ACACA: variants seen among roughly 807,000 people sequenced by gnomAD.
ACACA encodes acetyl-CoA carboxylase alpha, also known as acetyl-CoA carboxylase 1.
A neutral mutation model predicts 296.1 loss-of-function variants in ACACA; 103 were observed. That is an observed-to-expected ratio of 0.35 (90% CI 0.30 to 0.41). The LOEUF is 0.41. Ranked by LOEUF, ACACA falls within the 10% of genes least tolerant of loss-of-function variation. The pLI is 1.00. For synonymous variants in ACACA, 953 were observed against 1,038.6 expected, an observed-to-expected ratio of 0.92 and a Z score of 1.58; for missense variants, 1,554 against 2,989.7, an observed-to-expected ratio of 0.52 and a Z score of 11.20.
chr17:37,207,531 G>C (rs924550370), intron 31 of ACACA, 126 bp downstream of exon 31: 9 of 1,130,836 alleles, frequency 8.0e-6, no homozygotes, highest in Non-Finnish European at 1.2e-5. Flanking sequence ...ATACAGCAAG[G>C]GTTACATCTT....
At chr17:37,259,707 A>G (rs2081360399) in intron 11 of ACACA, among the ~76,000 whole-genome samples, 177 bp from the exon 12 acceptor site, 1 of 152,118 alleles carries the variant, frequency 6.6e-6, no homozygotes, top group Admixed American at 6.6e-5. Flanking sequence ...GAAAAACTCA[A>G]TGAAAAATCG....
At chr17:37,139,595 T>G (rs535281707) in intron 45 of ACACA, among the ~76,000 whole-genome samples, 2 of 152,260 alleles carry the variant, frequency 1.3e-5, no homozygotes, top group South Asian at 4.1e-4. Context: ...AATATAGCAG[T>G]CAAAAAGAAA....
Position 37,193,407 on chromosome 17 carries a change from G to C in ACACA, c.4167C>G (p.Phe1389Leu), listed in dbSNP as rs1460449524. The C allele has an allele frequency of 6.2e-7, 1 of 1,601,882 alleles. No homozygotes were observed. The highest frequency in any genetic ancestry group is 1.3e-5 in the African/African-American group (1 of 74,562). Residue 1389 changes from phenylalanine to leucine, a missense_variant, in exon 36 of 56, where the codon TTC (phenylalanine) becomes TTG (leucine). Transcript: ENST00000616317. ...YEVDRRFHRE[F>L]PKFFTFRARD... ...TTGCTCGGAATGTAAAAAATTTAGG[G>C]AATTCTCTCTGTATTAAAGAAGGGG... is the stretch of plus-strand genomic sequence containing the variant.
At chr17:37,157,767 C>T (rs768682488) in intron 42 of ACACA, among the ~76,000 whole-genome samples, 16 of 151,946 alleles carry the variant, frequency 1.1e-4, no homozygotes, top group Non-Finnish European at 2.2e-4. Context: ...AACTCCTGAC[C>T]TCAAGTTGAT....
At chr17:37,180,544 T>G (rs1330047855) in intron 40 of ACACA, among the ~76,000 whole-genome samples, 2 of 152,226 alleles carry the variant, frequency 1.3e-5, no homozygotes, top group African/African-American at 4.8e-5. Context: ...GGTTGCATTT[T>G]CTACTGGTGA....
intron 29 of ACACA, among the ~76,000 whole-genome samples, chr17:37,212,904 C>CA (rs201086587): frequency 0.038 from 4,417 of 117,166 alleles, 147 homozygotes; most frequent in African/African-American, 0.098. Flanking sequence ...CACTCTGTAC[C>CA]AAAAAAAAAA....
chr17:37,326,247 G>A (rs1486241640), intron 3 of ACACA, among the ~76,000 whole-genome samples: 8 of 151,258 alleles, frequency 5.3e-5, no homozygotes, highest in African/African-American at 1.5e-4. Context: ...TCAGGCATAG[G>A]CTGACAGGCA....
intron 45 of ACACA, among the ~76,000 whole-genome samples, chr17:37,135,843 G>A (rs1199698991): frequency 6.6e-6 from 1 of 152,022 alleles, no homozygotes; most frequent in Non-Finnish European, 1.5e-5. Flanking sequence ...CTCACCCTAG[G>A]GGGACCCACC....
intron 45 of ACACA, among the ~76,000 whole-genome samples, chr17:37,142,698 C>T (rs184627478): frequency 2.8e-4 from 42 of 152,244 alleles, no homozygotes; most frequent in Admixed American, 1.6e-3. Context: ...TCAACGAGTC[C>T]TTGGGGACTC....
chr17:37,377,835 C>T, intron 1 of ACACA: 1 of 1,523,326 alleles, frequency 6.6e-7, no homozygotes, highest in Non-Finnish European at 9.1e-7. Context: ...TGATTTTCCC[C>T]AAACCTTCCC....
intron 8 of ACACA, among the ~76,000 whole-genome samples, chr17:37,275,509 A>AG (rs1031302928): frequency 2.5e-4 from 38 of 150,904 alleles, no homozygotes; most frequent in African/African-American, 7.8e-4. Flanking sequence ...AAAAAAAAAA[A>AG]AAAAGAAAAA....
chr17:37,405,936 G>C (rs829163), intron 1 of ACACA, among the ~76,000 whole-genome samples: 29,626 of 139,274 alleles, frequency 0.21, 3,362 homozygotes, highest in East Asian at 0.55. Context: ...CAGGCATAAA[G>C]TGTAAGTGAA....
intron 39 of ACACA, 93 bp from the exon 40 acceptor site, chr17:37,181,449 T>G: frequency 1.4e-6 from 2 of 1,407,884 alleles, no homozygotes; most frequent in Non-Finnish European, 2.0e-6. Context: ...TATTATCTCT[T>G]TGAAAACATT....
chr17:37,225,679 G>T lies in ACACA; in HGVS notation c.3361-574C>A, dbSNP rs538564559. On this transcript the variant is annotated intron_variant, in intron 26 of 55. Coordinates refer to ENST00000616317, the MANE Select transcript of ACACA (RefSeq NM_198834.3). ...ACACGGTAGGATCTGAATACCCTCA[G>T]CAGGTCACTGAGAGGTTCAATAGCT... The T allele has an allele frequency of 2.3e-5, 4 of 172,944 alleles. No homozygotes were observed. The South Asian group carries it at 5.7e-4, about 24-fold the overall frequency. The allele number at this position is 172,944 out of a possible 1,614,324, so 10.7% of individuals were successfully genotyped here.
chr17:37,406,682 A>C lies in ACACA; in HGVS notation c.-383T>G. 1 of 377,186 alleles carries C rather than the reference A, an allele frequency of 2.7e-6. No homozygotes were observed. The highest frequency in any genetic ancestry group is 2.6e-5 in the South Asian group (1 of 38,338). The allele number at this position is 377,186 out of a possible 1,614,324, so 23.4% of individuals were successfully genotyped here. On this transcript the variant is annotated 5_prime_UTR_variant, in exon 1 of 56. Transcript: ENST00000616317. ...CACGGGCAAAGTGATTACTGGTCGG[A>C]TCAAAAGTCAGGCAAGCGGCTCAGC... is the stretch of plus-strand genomic sequence containing the variant.
rs977598309 is a variant in ACACA at position 37,113,513 on chromosome 17, T to C, written c.6275-248A>G. Among the ~76,000 whole-genome samples, 1 of 152,184 alleles carries C rather than the reference T, an allele frequency of 6.6e-6. No homozygotes were observed. The highest frequency in any genetic ancestry group is 1.5e-5 in the Non-Finnish European group (1 of 68,020). ...AGATACAGTGTGTAAGTCTTCCAGA[T>C]TGCCTTTCCATTTTATATCCTCTCT... On this transcript the variant is annotated intron_variant, in intron 50 of 55. Transcript: ENST00000616317. This position sits in a 1 kb window ranked among gnomAD's most constrained non-coding sequence, Gnocchi z 4.0.
intron 3 of ACACA, among the ~76,000 whole-genome samples, chr17:37,291,466 G>A (rs1197717329): frequency 2.0e-5 from 3 of 152,164 alleles, no homozygotes; most frequent in East Asian, 3.9e-4. Flanking sequence ...GTGAGCCACC[G>A]CACCTGGTCA....
intron 1 of ACACA, among the ~76,000 whole-genome samples, chr17:37,346,101 TAC>T (rs2048602428): frequency 6.6e-6 from 1 of 151,878 alleles, no homozygotes; most frequent in South Asian, 2.1e-4. Context: ...ACCCAGGAAA[TAC>T]AGTTTTATAG....
intron 41 of ACACA, among the ~76,000 whole-genome samples, chr17:37,167,270 CTTTTTTTT>C (rs11387933): frequency 9.5e-6 from 1 of 105,558 alleles, no homozygotes; most frequent in Admixed American, 1.1e-4. Flanking sequence ...ATGGTATTTT[CTTTTTTTT>C]TTTTTTTTTT....
Sources: allele counts gnomAD v4.1 joint callset (sites outside exome capture counted in the v4.1 genomes callset), GRCh38; gene constraint gnomAD v4.1.1; non-coding constraint Gnocchi (gnomAD v3.1); transcripts MANE v1.5; gene names NCBI Gene and HGNC (gene_info 2026-07-23, HGNC 2026-07-21).